Variants in TENM3 observed in about 807,000 individuals in gnomAD.
TENM3 encodes teneurin transmembrane protein 3.
TENM3 carries 63 observed loss-of-function variants against 255.1 expected under a neutral mutation model. That is an observed-to-expected ratio of 0.25 (90% CI 0.20 to 0.30). TENM3 has a LOEUF of 0.30. TENM3 is among the 10% of genes least tolerant of loss of function. TENM3 has a pLI of 1.00. For synonymous variants in TENM3, 1,306 were observed against 1,322.3 expected (o/e 0.99, Z 0.27); for missense variants, 2,929 against 3,461.1 (o/e 0.85, Z 3.86).
chr4:182,594,214 G>A (rs1235808300), intron 3 of TENM3, among the ~76,000 whole-genome samples: 1 of 152,024 alleles, frequency 6.6e-6, no homozygotes, highest in Non-Finnish European at 1.5e-5. Context: ...GGGTCTTGCT[G>A]TGTTGCTCAA....
At chr4:181,757,531 A>T in the TENM3 span, among the ~76,000 whole-genome samples, 1 of 152,176 alleles carries the variant, frequency 6.6e-6, no homozygotes, top group East Asian at 1.9e-4. Context: ...TTCTTTTCAG[A>T]TCACAAAATC....
the TENM3 span, among the ~76,000 whole-genome samples, chr4:182,084,497 C>T: frequency 2.0e-5 from 3 of 152,146 alleles, no homozygotes; most frequent in African/African-American, 7.2e-5. Context: ...ATTTATTTCT[C>T]AAGTTGGTTT....
At chr4:181,729,766 T>C in the TENM3 span, among the ~76,000 whole-genome samples, 7 of 152,304 alleles carry the variant, frequency 4.6e-5, no homozygotes, top group African/African-American at 1.7e-4. Context: ...TCATTGTCTT[T>C]GTCGGAGCCA....
chr4:181,534,235 C>CAA, the TENM3 span, among the ~76,000 whole-genome samples: 12,776 of 112,154 alleles, frequency 0.11, 713 homozygotes, highest in African/African-American at 0.18. Flanking sequence ...GACTCCACCT[C>CAA]AAAAAAAAAA....
the TENM3 span, among the ~76,000 whole-genome samples, chr4:181,930,567 C>T: frequency 1.3e-5 from 2 of 152,304 alleles, no homozygotes; most frequent in South Asian, 4.1e-4. Flanking sequence ...GATGGATTCA[C>T]AGCCGAATTC....
chr4:182,563,873 T>A (rs1743484725), intron 3 of TENM3, among the ~76,000 whole-genome samples: 1 of 152,214 alleles, frequency 6.6e-6, no homozygotes, highest in African/African-American at 2.4e-5. Context: ...TTTTATTGAT[T>A]ATTCTTTTGA....
chr4:182,588,270 C>CT (rs922709688), intron 3 of TENM3, among the ~76,000 whole-genome samples: 1 of 151,998 alleles, frequency 6.6e-6, no homozygotes, highest in Non-Finnish European at 1.5e-5. Context: ...CTCCTGTTTC[C>CT]TTTTGTAGTA....
intron 1 of TENM3, among the ~76,000 whole-genome samples, chr4:182,231,024 C>T (rs1756540579): frequency 6.6e-6 from 1 of 151,400 alleles, no homozygotes; most frequent in South Asian, 2.1e-4. Flanking sequence ...CTCCCAGGCC[C>T]AAGCTTGTTG....
At chr4:182,434,765 A>G (rs566323352) in intron 3 of TENM3, among the ~76,000 whole-genome samples, 2 of 152,174 alleles carry the variant, frequency 1.3e-5, no homozygotes, top group South Asian at 4.1e-4. Context: ...ACCACACACT[A>G]CAAGAGAAAA....
At chr4:182,507,766 C>T (rs1393345224) in intron 3 of TENM3, among the ~76,000 whole-genome samples, 2 of 152,198 alleles carry the variant, frequency 1.3e-5, no homozygotes, top group Non-Finnish European at 2.9e-5. Flanking sequence ...CTTCAAATGT[C>T]TTCTATATAG....
the TENM3 span, among the ~76,000 whole-genome samples, chr4:182,041,321 CAAGATAGA>C: frequency 6.6e-6 from 1 of 152,016 alleles, no homozygotes; most frequent in African/African-American, 2.4e-5. Context: ...GGCCTTTAAA[CAAGATAGA>C]AAGGTGTCAG....
chr4:182,127,959 TAAATA>T, the TENM3 span, among the ~76,000 whole-genome samples: 1 of 152,092 alleles, frequency 6.6e-6, no homozygotes, highest in South Asian at 2.1e-4. Flanking sequence ...ATGTGTATAA[TAAATA>T]AATCAAAAAG....
At chr4:182,289,442 G>A (rs1269067501) in intron 1 of TENM3, among the ~76,000 whole-genome samples, 1 of 152,174 alleles carries the variant, frequency 6.6e-6, no homozygotes, top group African/African-American at 2.4e-5. Context: ...CTGCCCAGGA[G>A]GCCACTGGCA....
the TENM3 span, among the ~76,000 whole-genome samples, chr4:181,842,224 G>C: frequency 6.6e-6 from 1 of 152,074 alleles, no homozygotes; most frequent in Admixed American, 6.5e-5. Context: ...TTCCTAAAAA[G>C]AAAAGCTGGG....
the TENM3 span, among the ~76,000 whole-genome samples, chr4:181,614,019 A>T: frequency 6.6e-6 from 1 of 151,968 alleles, no homozygotes; most frequent in East Asian, 1.9e-4. Context: ...AAGCATAGTT[A>T]TTTTTTTACC....
At chr4:182,410,248 A>G (rs1769891757) in intron 3 of TENM3, among the ~76,000 whole-genome samples, 1 of 152,266 alleles carries the variant, frequency 6.6e-6, no homozygotes, top group African/African-American at 2.4e-5. Context: ...GAAGATGACA[A>G]TAGTGGTAAT....
chr4:182,122,102 G>T, the TENM3 span, among the ~76,000 whole-genome samples: 1 of 152,214 alleles, frequency 6.6e-6, no homozygotes, highest in Admixed American at 6.5e-5. Flanking sequence ...GTTCAAGTTT[G>T]ATCATGAGAT....
intron 12 of TENM3, among the ~76,000 whole-genome samples, chr4:182,706,961 A>G (rs1337982213): frequency 6.7e-6 from 1 of 148,736 alleles, no homozygotes; most frequent in African/African-American, 2.4e-5. Flanking sequence ...CCTGTATCCA[A>G]AAAAAAAAAA....
the TENM3 span, among the ~76,000 whole-genome samples, chr4:181,947,697 T>C: frequency 6.6e-6 from 1 of 152,160 alleles, no homozygotes; most frequent in African/African-American, 2.4e-5. Context: ...GGGAAAGTCT[T>C]TGCTCCTCAA....
Sources: gnomAD v4.1 joint callset for allele counts (sites outside exome capture counted in the v4.1 genomes callset) on GRCh38, gnomAD v4.1.1 for gene constraint, MANE v1.5 for transcripts, NCBI Gene and HGNC (gene_info 2026-07-23, HGNC 2026-07-21) for gene names.